The following NFIB variants were observed in gnomAD, a reference collection of about 807,000 sequenced individuals.
NFIB encodes nuclear factor I B, also known as nuclear factor 1 B-type.
NFIB carries 11 observed loss-of-function variants against 61.5 expected under a neutral mutation model. That is an observed-to-expected ratio of 0.18 (90% CI 0.11 to 0.30). NFIB has a LOEUF of 0.30. NFIB is among the 10% of genes least tolerant of loss of function. The pLI is 1.00. For missense variants in NFIB, 471 were observed against 608.9 expected (o/e 0.77, Z 2.38); for synonymous variants, 260 against 216.5 (o/e 1.20, Z -1.76).
chr9:14,174,899 G>C (rs367789138), intron 3 of NFIB, among the ~76,000 whole-genome samples: 1 of 151,908 alleles, frequency 6.6e-6, no homozygotes. Flanking sequence ...GGACCTATGC[G>C]AATTTATCTG....
At chr9:14,175,434 A>G (rs2046079498) in intron 3 of NFIB, among the ~76,000 whole-genome samples, 1 of 152,092 alleles carries the variant, frequency 6.6e-6, no homozygotes, top group Non-Finnish European at 1.5e-5. Context: ...TCGGCCTCCC[A>G]AAGTGCTAGG....
At chr9:14,452,142 T>C in the NFIB span, among the ~76,000 whole-genome samples, 1 of 152,126 alleles carries the variant, frequency 6.6e-6, no homozygotes, top group African/African-American at 2.4e-5. Flanking sequence ...TATTCCTTTG[T>C]GGTTATTCGT....
chr9:14,516,933 G>A, the NFIB span, among the ~76,000 whole-genome samples: 1 of 152,186 alleles, frequency 6.6e-6, no homozygotes, highest in Non-Finnish European at 1.5e-5. Context: ...ACATTAGCCT[G>A]CCAGATGCAC....
intron 6 of NFIB, among the ~76,000 whole-genome samples, chr9:14,135,928 T>A (rs113917072): frequency 9.3e-4 from 142 of 152,292 alleles, no homozygotes; most frequent in African/African-American, 3.4e-3. Flanking sequence ...TAAAGTAAAA[T>A]CTTTTCTAAT....
chr9:14,450,715 C>T, the NFIB span, among the ~76,000 whole-genome samples: 1 of 151,056 alleles, frequency 6.6e-6, no homozygotes, highest in Non-Finnish European at 1.5e-5. Flanking sequence ...ACTACTAAAA[C>T]ACTTTCAAGG....
the NFIB span, among the ~76,000 whole-genome samples, chr9:14,442,126 C>T: frequency 6.6e-6 from 1 of 152,136 alleles, no homozygotes; most frequent in Non-Finnish European, 1.5e-5. Context: ...GCTGCCAGGG[C>T]TGGGACTGGA....
At chr9:14,326,293 A>G (rs2060750997) in intron 1 of NFIB, among the ~76,000 whole-genome samples, 1 of 152,236 alleles carries the variant, frequency 6.6e-6, no homozygotes, top group African/African-American at 2.4e-5. Context: ...CCTACAAGAC[A>G]TAGTCGCCCA....
At chr9:14,281,503 T>C (rs1250841568) in intron 2 of NFIB, among the ~76,000 whole-genome samples, 1 of 152,200 alleles carries the variant, frequency 6.6e-6, no homozygotes, top group Non-Finnish European at 1.5e-5. Context: ...GAAATGACTT[T>C]ACCCTATAAT....
intron 1 of NFIB, among the ~76,000 whole-genome samples, chr9:14,337,545 T>C (rs2060899160): frequency 6.6e-6 from 1 of 152,254 alleles, no homozygotes; most frequent in Admixed American, 6.5e-5. Context: ...TCTATATTCT[T>C]TGAATTAGAC....
intron 1 of NFIB, among the ~76,000 whole-genome samples, chr9:14,369,871 AG>A (rs1488498119): frequency 6.6e-6 from 1 of 152,124 alleles, no homozygotes; most frequent in East Asian, 1.9e-4. Context: ...AGCCCACTGT[AG>A]GTAAAATTAG....
chr9:14,277,437 C>A (rs569556915), intron 2 of NFIB, among the ~76,000 whole-genome samples: 1 of 152,148 alleles, frequency 6.6e-6, no homozygotes. Context: ...TGGTGTTTTG[C>A]CAAATTATGT....
At chr9:14,408,872 T>C in the NFIB span, among the ~76,000 whole-genome samples, 1 of 152,210 alleles carries the variant, frequency 6.6e-6, no homozygotes, top group Non-Finnish European at 1.5e-5. Context: ...CCCTGTGAAA[T>C]AGTTGCTATA....
chr9:14,455,938 T>C, the NFIB span, among the ~76,000 whole-genome samples: 1 of 152,170 alleles, frequency 6.6e-6, no homozygotes. Flanking sequence ...AAAAAACATA[T>C]ACAAGTTCAT....
intron 2 of NFIB, among the ~76,000 whole-genome samples, chr9:14,220,084 T>C (rs1453529457): frequency 1.3e-5 from 2 of 152,216 alleles, no homozygotes. Context: ...AGCCAAGGAA[T>C]TTCCTCCTAG....
intron 1 of NFIB, among the ~76,000 whole-genome samples, chr9:14,369,928 C>T (rs1471482176): frequency 6.6e-6 from 1 of 152,176 alleles, no homozygotes; most frequent in Non-Finnish European, 1.5e-5. Context: ...TCTCTGAAAA[C>T]TTTGGGGGCT....
chr9:14,225,366 A>C (rs940907672), intron 2 of NFIB, among the ~76,000 whole-genome samples: 3 of 148,486 alleles, frequency 2.0e-5, no homozygotes, highest in Non-Finnish European at 4.5e-5. Flanking sequence ...CTGAGGCAGG[A>C]GAATGGCGTG....
intron 1 of NFIB, among the ~76,000 whole-genome samples, chr9:14,320,182 C>T (rs2060630235): frequency 6.6e-6 from 1 of 152,122 alleles, no homozygotes; most frequent in South Asian, 2.1e-4. Context: ...ACAATGAAAC[C>T]GTCACCATTT....
chr9:14,208,145 T>C (rs2049937329), intron 2 of NFIB, among the ~76,000 whole-genome samples: 1 of 152,244 alleles, frequency 6.6e-6, no homozygotes, highest in Non-Finnish European at 1.5e-5. Flanking sequence ...TATTCCATAT[T>C]TGTAATCTGA....
At chr9:14,102,367 T>C in intron 10 of NFIB, 4 of 1,430,672 alleles carry the variant, frequency 2.8e-6, no homozygotes, top group Non-Finnish European at 3.8e-6. Flanking sequence ...ACAAACACTA[T>C]AGCTCATGTA....
Sources: allele counts gnomAD v4.1 joint callset (sites outside exome capture counted in the v4.1 genomes callset), GRCh38; gene constraint gnomAD v4.1.1; transcripts MANE v1.5; gene names NCBI Gene and HGNC (gene_info 2026-07-23, HGNC 2026-07-21).